The following PREX2 variants were observed in gnomAD, a reference collection of about 807,000 sequenced individuals.
The protein encoded by PREX2 is phosphatidylinositol 3,4,5-trisphosphate-dependent Rac exchanger 2 protein.
PREX2 carries 107 observed loss-of-function variants against 203.2 expected under a neutral mutation model. The ratio of observed to expected loss-of-function variants is 0.53; its 90% CI spans 0.45 to 0.62. PREX2 has a LOEUF of 0.62. PREX2 is among the 20% of genes least tolerant of loss of function. The pLI is 0.00. For synonymous variants in PREX2, 672 were observed against 663.6 expected (o/e 1.01, Z -0.19); for missense variants, 1,777 against 1,955.9 (o/e 0.91, Z 1.72).
At chr8:68,088,812 T>A (rs1809778448) in intron 19 of PREX2, among the ~76,000 whole-genome samples, 2 of 152,184 alleles carry the variant, frequency 1.3e-5, no homozygotes, top group Non-Finnish European at 1.5e-5. Flanking sequence ...CAAAAAGGAA[T>A]AATTCACATT....
intron 1 of PREX2, among the ~76,000 whole-genome samples, chr8:67,969,881 A>C (rs1474569723): frequency 6.6e-6 from 1 of 152,168 alleles, no homozygotes; most frequent in Non-Finnish European, 1.5e-5. Flanking sequence ...CACAGGTGAA[A>C]TGTGTTGCTA....
Position 67,952,452 on chromosome 8 carries a change from C to G in PREX2, c.58C>G (p.Gln20Glu), listed in dbSNP as rs1805376452. 2 of 1,597,286 alleles carry G rather than the reference C, an allele frequency of 1.3e-6. No individual in the cohort carries two copies. The highest frequency in any genetic ancestry group is 1.7e-6 in the Non-Finnish European group (2 of 1,172,502). The change falls in exon 1 of 40, where the codon CAG becomes GAG. Residue 20 changes from glutamine to glutamate, a missense_variant. Coordinates refer to ENST00000288368, the MANE Select transcript of PREX2 (RefSeq NM_024870.4). Reference protein sequence around the residue: ...RAESAKDLEKQLRLRVCVLSE... With the variant: ...RAESAKDLEKELRLRVCVLSE... ...CGAGAGCGCCAAGGACCTGGAGAAG[C>G]AGCTTCGCCTGCGCGTGTGCGTGCT...
At chr8:68,106,986 A>C (rs1007061627) in intron 23 of PREX2, among the ~76,000 whole-genome samples, 1 of 152,138 alleles carries the variant, frequency 6.6e-6, no homozygotes, top group Non-Finnish European at 1.5e-5. Flanking sequence ...AATTCAGTCT[A>C]ACTCTATGAG....
At chr8:68,088,209 C>T (rs575725785) in intron 19 of PREX2, among the ~76,000 whole-genome samples, 2 of 152,228 alleles carry the variant, frequency 1.3e-5, no homozygotes, top group Non-Finnish European at 1.5e-5. Context: ...ATACTTCCTT[C>T]GGGTACTTTT....
In PREX2 at chr8:68,160,204, C is replaced by T. The variant is rs1811627772; in HGVS notation, c.4346+2768C>T. Among the ~76,000 whole-genome samples the T allele has an allele frequency of 3.3e-5, 5 of 152,100 alleles. No individual in the cohort carries two copies. In the South Asian group the frequency reaches 1.0e-3, roughly 31 times the overall value. On this transcript the variant is annotated intron_variant, in intron 35 of 39. Transcript: ENST00000288368. ...CCAAGTAATCAGAAACCTATATTCA[C>T]ATCAGTCTTTTCCATCCTTGCATGA...
intron 20 of PREX2, among the ~76,000 whole-genome samples, chr8:68,092,714 T>C (rs1262902762): frequency 6.6e-6 from 1 of 152,208 alleles, no homozygotes; most frequent in Non-Finnish European, 1.5e-5. Flanking sequence ...AAAATAGCAG[T>C]AAATGTATTA....
chr8:67,971,328 C>T lies in PREX2; in HGVS notation c.141+18793C>T, dbSNP rs552382107. On this transcript the variant is annotated intron_variant, in intron 1 of 39. Coordinates refer to ENST00000288368, the MANE Select transcript of PREX2 (RefSeq NM_024870.4). ...TCAACAAAAGTCAGAAAGACTAAAT[C>T]GGTGAGGAATATTGCTGATGCTTGG... 7.2e-5 allele frequency among the ~76,000 whole-genome samples: 11 copies of T among 152,212 alleles called. No individual in the cohort carries two copies. In the South Asian group the frequency reaches 2.3e-3, roughly 32 times the overall value.
rs1811165059 is a variant in PREX2, at chr8:68,138,848, C to T, written c.4087+331C>T. ...AGTTTGTTATTATTTTTATATGTCT[C>T]TTGTTTTTTCAAAAGTATGAGTATC... On this transcript the variant is annotated intron_variant, in intron 33 of 39. Coordinates refer to ENST00000288368, the MANE Select transcript of PREX2 (RefSeq NM_024870.4). Among the ~76,000 whole-genome samples, 3 of 151,982 alleles carry T rather than the reference C, an allele frequency of 2.0e-5. No individual in the cohort carries two copies. The South Asian group carries it at 6.2e-4, about 32-fold the overall frequency.
chr8:68,151,783 GA>G (rs202103860), intron 34 of PREX2, among the ~76,000 whole-genome samples: 9,974 of 138,692 alleles, frequency 0.072, 420 homozygotes, highest in Non-Finnish European at 0.1. Flanking sequence ...AACCTCCTAT[GA>G]AAAAAAAAAA....
At chr8:68,158,214 C>G (rs2129613952) in intron 35 of PREX2, among the ~76,000 whole-genome samples, 1 of 151,248 alleles carries the variant, frequency 6.6e-6, no homozygotes, top group East Asian at 1.9e-4. Context: ...ACCCTGTTGA[C>G]AGATCACTTT....
chr8:68,035,683 T>A (rs1808005973), intron 6 of PREX2, among the ~76,000 whole-genome samples: 1 of 152,190 alleles, frequency 6.6e-6, no homozygotes, highest in Non-Finnish European at 1.5e-5. Flanking sequence ...CATAGAATCC[T>A]TTAGTACATT....
intron 20 of PREX2, among the ~76,000 whole-genome samples, chr8:68,093,063 A>G (rs940107092): frequency 8.5e-5 from 13 of 152,192 alleles, no homozygotes; most frequent in Non-Finnish European, 8.8e-5. Flanking sequence ...TCTTTGGAAC[A>G]TATCTTAGAA....
intron 20 of PREX2, among the ~76,000 whole-genome samples, chr8:68,092,534 C>T (rs1356386481): frequency 6.6e-6 from 1 of 152,118 alleles, no homozygotes; most frequent in African/African-American, 2.4e-5. Context: ...TCATCTCTCT[C>T]ATTTCTCTAA....
intron 1 of PREX2, among the ~76,000 whole-genome samples, chr8:67,986,028 A>G (rs1022901714): frequency 6.6e-6 from 1 of 152,228 alleles, no homozygotes; most frequent in African/African-American, 2.4e-5. Context: ...GGGAGATGGA[A>G]GTTCAAGGTT....
At chr8:68,116,829 G>A (rs1316240363) in intron 26 of PREX2, among the ~76,000 whole-genome samples, 1 of 152,124 alleles carries the variant, frequency 6.6e-6, no homozygotes, top group Non-Finnish European at 1.5e-5. Flanking sequence ...GGGAGACCTA[G>A]TTCAACCCAA....
intron 19 of PREX2, among the ~76,000 whole-genome samples, chr8:68,088,387 A>G (rs1388528992): frequency 1.3e-5 from 2 of 152,224 alleles, no homozygotes; most frequent in Non-Finnish European, 2.9e-5. Flanking sequence ...GAAGGAAATA[A>G]CTGTCAGATC....
chr8:68,199,693 T>G (rs1345880469), intron 37 of PREX2, among the ~76,000 whole-genome samples: 1 of 152,228 alleles, frequency 6.6e-6, no homozygotes, highest in Admixed American at 6.5e-5. Flanking sequence ...GTAAAAAATC[T>G]TATTCAGGTA....
At chr8:68,190,867 T>C (rs1563580621) in intron 35 of PREX2, among the ~76,000 whole-genome samples, 1 of 151,766 alleles carries the variant, frequency 6.6e-6, no homozygotes, top group African/African-American at 2.4e-5. Flanking sequence ...CCATAGATGA[T>C]TCCCTTAAAA....
chr8:68,068,512 G>A (rs190906540), intron 11 of PREX2, among the ~76,000 whole-genome samples: 184 of 152,092 alleles, frequency 1.2e-3, no homozygotes, highest in African/African-American at 4.2e-3. Context: ...CCAAACACAG[G>A]ATAAGTGGTC....
Sources: allele counts gnomAD v4.1 joint callset (sites outside exome capture counted in the v4.1 genomes callset), GRCh38; gene constraint gnomAD v4.1.1; transcripts MANE v1.5; gene names NCBI Gene and HGNC (gene_info 2026-07-23, HGNC 2026-07-21).